Variants in HBS1L observed in about 807,000 individuals in gnomAD.
HBS1L encodes HBS1-like protein.
HBS1L carries 55 observed loss-of-function variants against 88.9 expected under a neutral mutation model. The ratio of observed to expected loss-of-function variants is 0.62; its 90% CI spans 0.50 to 0.77. The LOEUF is 0.77. Among genes scored for constraint, HBS1L ranks in the 30% least tolerant of loss-of-function variants. HBS1L has a pLI of 0.00. For synonymous variants in HBS1L, 267 were observed against 288.5 expected, an observed-to-expected ratio of 0.93 and a Z score of 0.76; for missense variants, 741 against 829.3, an observed-to-expected ratio of 0.89 and a Z score of 1.31.
intron 2 of HBS1L, among the ~76,000 whole-genome samples, chr6:135,048,547 A>C (rs1776983333): frequency 6.6e-6 from 1 of 152,212 alleles, no homozygotes; most frequent in Non-Finnish European, 1.5e-5. Context: ...TCAAGGTCTA[A>C]GTCACAGCTG....
intron 14 of HBS1L, 120 bp from the exon 15 acceptor site, chr6:134,978,907 A>G: frequency 3.1e-6 from 2 of 654,384 alleles, no homozygotes; most frequent in Non-Finnish European, 5.3e-6. Context: ...GACTTTTTCT[A>G]AATATTCTCT....
chr6:134,973,416 A>G (rs927605004), intron 15 of HBS1L, among the ~76,000 whole-genome samples: 3 of 152,262 alleles, frequency 2.0e-5, no homozygotes, highest in African/African-American at 7.2e-5. Flanking sequence ...GAAAGTAAGT[A>G]GAAGAATGGT....
At chr6:135,034,664 A>AT (rs1776482289) in intron 4 of HBS1L, among the ~76,000 whole-genome samples, 1 of 152,280 alleles carries the variant, frequency 6.6e-6, no homozygotes, top group East Asian at 1.9e-4. Context: ...ATAAAATAAC[A>AT]TTTTAGATAC....
rs937717580 is a variant in HBS1L, at chr6:135,002,758, T to C, written c.515A>G (p.Gln172Arg). 1.2e-6 allele frequency: 2 copies of C among 1,612,426 alleles called. No individual in the cohort carries two copies. Among genetic ancestry groups the C allele is most frequent in the East Asian group, 4.5e-5 (2 of 44,856 alleles). ...CCCAGGCACTTCAAATCCCATAGTT[T>C]GCTTCTTTCCAGATACAGTCATTTT... is the stretch of plus-strand genomic sequence containing the variant. ...VAKMTVSGKK[Q>R]TMGFEVPGVS... The change falls in exon 5 of 18, where the codon CAA becomes CGA. Residue 172 changes from glutamine (Q) to arginine (R), a missense_variant. Coordinates refer to ENST00000367837, the MANE Select transcript of HBS1L (RefSeq NM_006620.4).
intron 7 of HBS1L, among the ~76,000 whole-genome samples, chr6:134,996,493 C>T (rs1185516691): frequency 6.6e-6 from 1 of 152,102 alleles, no homozygotes; most frequent in Non-Finnish European, 1.5e-5. Context: ...TGAAACTTAT[C>T]CCATAGAATA....
At position 134,966,389 on chromosome 6, in the gene HBS1L, C is replaced by T. The variant is rs771983835; in HGVS notation, c.1983G>A (p.Glu661=). The T allele has an allele frequency of 6.2e-7, 1 of 1,613,260 alleles. No homozygotes were observed. The highest frequency in any genetic ancestry group is 1.1e-5 in the South Asian group (1 of 90,990). The change falls in exon 17 of 18, where the codon GAG becomes GAA. Residue 661 remains glutamate (E), a synonymous_variant. Transcript: ENST00000367837. ...IALELYKDFK[E]LGRFMLRYGG... The stretch of plus-strand genomic sequence containing the variant: ...CGTAACGTAGCATGAACCTCCCCAG[C>T]TCTTTAAAGTCTTTATATAGCTCAA...
intron 15 of HBS1L, among the ~76,000 whole-genome samples, chr6:134,973,354 A>G (rs1774547502): frequency 6.6e-6 from 1 of 152,252 alleles, no homozygotes; most frequent in Non-Finnish European, 1.5e-5. Flanking sequence ...AAAAGGACAA[A>G]TATTGTATGA....
In HBS1L at chr6:135,034,418, C is replaced by A. The variant is rs563192526; in HGVS notation, c.430+5155G>T. ...CAGCACTTCGGGAGGCCGAGGTGGG[C>A]GGATCATCTGAGGTCAGGAGTTTGA... On this transcript the variant is annotated intron_variant, in intron 4 of 17. Coordinates refer to ENST00000367837, the MANE Select transcript of HBS1L (RefSeq NM_006620.4). Among the ~76,000 whole-genome samples the A allele has an allele frequency of 1.4e-4, 21 of 152,150 alleles. No homozygotes were observed. The East Asian group carries it at 3.5e-3, about 25-fold the overall frequency.
intron 4 of HBS1L, among the ~76,000 whole-genome samples, chr6:135,035,576 T>TA (rs1023117210): frequency 1.3e-4 from 20 of 148,850 alleles, no homozygotes; most frequent in East Asian, 2.0e-4. Flanking sequence ...CCATCTCTAC[T>TA]AAAAAAAATA....
intron 4 of HBS1L, chr6:135,036,423 G>A (rs550600590): frequency 7.7e-5 from 103 of 1,337,954 alleles, no homozygotes; most frequent in Admixed American, 5.7e-4. Context: ...GCAAAAATAC[G>A]TATCAACTAA....
At chr6:134,984,066 T>G (rs2114778343) in intron 12 of HBS1L, among the ~76,000 whole-genome samples, 1 of 152,278 alleles carries the variant, frequency 6.6e-6, no homozygotes, top group East Asian at 1.9e-4. Context: ...GAGAGCAGCG[T>G]AGGCGGAAGC....
chr6:135,001,453 A>C (rs1474310299), intron 5 of HBS1L, among the ~76,000 whole-genome samples: 2 of 151,762 alleles, frequency 1.3e-5, no homozygotes, highest in Non-Finnish European at 2.9e-5. Context: ...TCCTTAGAAC[A>C]ATAAATTGTG....
chr6:135,041,217 G>C lies in HBS1L; in HGVS notation c.235+784C>G, dbSNP rs1049370459. Among the ~76,000 whole-genome samples the C allele has an allele frequency of 1.8e-4, 27 of 151,512 alleles. 1 individual carries two copies. The highest frequency in any genetic ancestry group is 1.4e-3 in the Admixed American group (21 of 15,226). ...TTAAAAATACATTCCTGAAATATTT[G>C]GGCAATTCTGCTTTGCTTCAATTTA... On this transcript the variant is annotated intron_variant, in intron 3 of 17. Transcript: ENST00000367837.
intron 8 of HBS1L, among the ~76,000 whole-genome samples, chr6:134,992,250 A>G (rs1775161067): frequency 6.6e-6 from 1 of 152,178 alleles, no homozygotes; most frequent in Non-Finnish European, 1.5e-5. Context: ...ATTTAAAGTT[A>G]CGGTGATGCA....
chr6:134,974,836 C>CCT (rs1370075855), intron 15 of HBS1L, among the ~76,000 whole-genome samples: 1 of 152,030 alleles, frequency 6.6e-6, no homozygotes, highest in Non-Finnish European at 1.5e-5. Context: ...AAGCATTCCC[C>CCT]CTAAGAACTG....
At chr6:135,052,702 T>C (rs981880661) in intron 1 of HBS1L, among the ~76,000 whole-genome samples, 3 of 152,198 alleles carry the variant, frequency 2.0e-5, no homozygotes, top group African/African-American at 7.2e-5. Context: ...GCAATCTTCA[T>C]AGTTTGTTTC....
chr6:135,022,039 C>G (rs544577232), intron 4 of HBS1L, among the ~76,000 whole-genome samples: 1 of 152,094 alleles, frequency 6.6e-6, no homozygotes, highest in African/African-American at 2.4e-5. Context: ...TAGCCCCTTA[C>G]GAGCTACTCT....
intron 4 of HBS1L, among the ~76,000 whole-genome samples, chr6:135,019,121 T>A (rs552676996): frequency 1.3e-5 from 2 of 151,702 alleles, no homozygotes; most frequent in East Asian, 3.9e-4. Flanking sequence ...CCAGAAAAAA[T>A]AAGAACTATA....
chr6:135,010,932 T>C (rs1475008557), intron 4 of HBS1L, among the ~76,000 whole-genome samples: 1 of 152,158 alleles, frequency 6.6e-6, no homozygotes, highest in African/African-American at 2.4e-5. Context: ...TATATAGGAA[T>C]TAACAGGAAT....
Sources: gnomAD v4.1 joint callset for allele counts (sites outside exome capture counted in the v4.1 genomes callset) on GRCh38, gnomAD v4.1.1 for gene constraint, MANE v1.5 for transcripts, NCBI Gene and HGNC (gene_info 2026-07-23, HGNC 2026-07-21) for gene names.